TMIGD3: variants seen among roughly 807,000 people sequenced by gnomAD.
The protein encoded by TMIGD3 is AD026 protein (AD026).
TMIGD3 carries 21 observed loss-of-function variants against 28.1 expected under a neutral mutation model. That is an observed-to-expected ratio of 0.75 (90% CI 0.53 to 1.08). The LOEUF (loss-of-function observed/expected upper bound fraction) is 1.08, where lower values mean the gene tolerates loss of function less well. Among genes scored for constraint, TMIGD3 ranks in the 50% least tolerant of loss-of-function variants. TMIGD3 has a pLI of 0.00. For synonymous variants in TMIGD3, 151 were observed against 162.1 expected, an observed-to-expected ratio of 0.93 and a Z score of 0.52; for missense variants, 416 against 435.6, an observed-to-expected ratio of 0.96 and a Z score of 0.40.
At chr1:111,563,023 T>C (rs74112344) in intron 1 of TMIGD3, among the ~76,000 whole-genome samples, 4 of 152,136 alleles carry the variant, frequency 2.6e-5, no homozygotes, top group African/African-American at 9.7e-5. Flanking sequence ...TATTATAATG[T>C]CAATATTGTG....
At chr1:111,487,258 G>A (rs1208918989) in intron 3 of TMIGD3, among the ~76,000 whole-genome samples, 1 of 152,184 alleles carries the variant, frequency 6.6e-6, no homozygotes, top group Non-Finnish European at 1.5e-5. Context: ...GCACAGTTAA[G>A]TAAAAGCAGA....
chr1:111,494,917 T>C (rs372341694), intron 1 of TMIGD3, among the ~76,000 whole-genome samples: 5 of 152,324 alleles, frequency 3.3e-5, no homozygotes, highest in African/African-American at 7.2e-5. Flanking sequence ...ATTCAATAAA[T>C]GGTGCTAGGA....
chr1:111,538,357 G>A (rs1400550918), intron 1 of TMIGD3, among the ~76,000 whole-genome samples: 1 of 152,194 alleles, frequency 6.6e-6, no homozygotes, highest in Non-Finnish European at 1.5e-5. Flanking sequence ...TGTGTATACA[G>A]AAATGGCGAG....
chr1:111,545,482 A>G (rs1423653988), intron 1 of TMIGD3, among the ~76,000 whole-genome samples: 1 of 151,966 alleles, frequency 6.6e-6, no homozygotes, highest in East Asian at 1.9e-4. Context: ...TTGTCCTTTT[A>G]TTGTTGAATT....
intron 1 of TMIGD3, among the ~76,000 whole-genome samples, chr1:111,543,061 G>C (rs1268038427): frequency 1.3e-5 from 2 of 152,142 alleles, no homozygotes; most frequent in African/African-American, 4.8e-5. Context: ...GATTCTCCCA[G>C]TGGGTTATAA....
At chr1:111,507,190 G>A (rs1655538120), upstream of TMIGD3, among the ~76,000 whole-genome samples, 1 of 151,888 alleles carries the variant, frequency 6.6e-6, no homozygotes, top group Non-Finnish European at 1.5e-5. Flanking sequence ...GGGAGGCTGA[G>A]GTGAGAGGAT....
intron 1 of TMIGD3, chr1:111,501,338 A>C (rs1655163194): frequency 6.6e-6 from 1 of 152,174 alleles, no homozygotes; most frequent in African/African-American, 2.4e-5. Context: ...TTGCTCCTTA[A>C]ACTGTCCTTC....
chr1:111,517,565 A>G (rs556574098), intron 1 of TMIGD3, among the ~76,000 whole-genome samples: 2 of 152,316 alleles, frequency 1.3e-5, no homozygotes, highest in East Asian at 3.9e-4. Context: ...GAATCATACT[A>G]GGATTCAAAA....
At chr1:111,495,136 T>C (rs1654831730) in intron 1 of TMIGD3, among the ~76,000 whole-genome samples, 1 of 152,050 alleles carries the variant, frequency 6.6e-6, no homozygotes, top group Admixed American at 6.5e-5. Context: ...AAAGCAAAAA[T>C]TGACAAATGG....
intron 1 of TMIGD3, among the ~76,000 whole-genome samples, chr1:111,509,742 A>G (rs935868458): frequency 6.6e-6 from 1 of 152,226 alleles, no homozygotes; most frequent in Non-Finnish European, 1.5e-5. Context: ...CGTAATTATT[A>G]CTGTAAGAGC....
At chr1:111,517,356 C>T (rs1655904241) in intron 1 of TMIGD3, among the ~76,000 whole-genome samples, 1 of 151,562 alleles carries the variant, frequency 6.6e-6, no homozygotes, top group African/African-American at 2.4e-5. Flanking sequence ...AAAGCGAGGA[C>T]TGCTCCTGTT....
intron 5 of TMIGD3, among the ~76,000 whole-genome samples, chr1:111,484,270 T>G (rs1654254049): frequency 6.6e-6 from 1 of 152,230 alleles, no homozygotes; most frequent in African/African-American, 2.4e-5. Flanking sequence ...CAGATGGCAT[T>G]TCTTTTGCCC....
At chr1:111,492,624 G>A (rs1654718493) in intron 1 of TMIGD3, among the ~76,000 whole-genome samples, 1 of 152,018 alleles carries the variant, frequency 6.6e-6, no homozygotes, top group Non-Finnish European at 1.5e-5. Flanking sequence ...GACCAGCCTG[G>A]CCAATATGGT....
At position 111,485,749 on chromosome 1, in the gene TMIGD3, T is replaced by C; in HGVS notation, c.964A>G (p.Asn322Asp). Residue 322 changes from asparagine to aspartate, a missense_variant, in exon 5 of 6, where the codon AAT becomes GAT. Transcript: ENST00000369716. ...HLTKRRRSQR[N>D]RRVGNTLKPF... The stretch of plus-strand genomic sequence containing the variant: ...AACAATAGCTACTTACCCCTTCTAT[T>C]CCTTTGACTTCTCCTCCTTTTGGTC... 3 of 1,555,298 alleles carry C rather than the reference T, an allele frequency of 1.9e-6. No homozygotes were observed. Among genetic ancestry groups the C allele is most frequent in the Non-Finnish European group, 2.7e-6 (3 of 1,128,332 alleles).
intron 1 of TMIGD3, among the ~76,000 whole-genome samples, chr1:111,517,335 GAA>G (rs1406181324): frequency 2.9e-5 from 4 of 138,100 alleles, no homozygotes; most frequent in Non-Finnish European, 1.6e-5. Context: ...GTAGTCAATG[GAA>G]AAAAAAAAAA....
rs72975012 is a variant in TMIGD3 at position 111,518,044 on chromosome 1, C to G, written c.108-27282G>C. 8.4e-3 allele frequency among the ~76,000 whole-genome samples: 1,282 copies of G among 152,310 alleles called. 15 individuals are homozygous for G. Among genetic ancestry groups the G allele is most frequent in the African/African-American group, 0.029 (1,193 of 41,540 alleles). On this transcript the variant is annotated intron_variant, in intron 1 of 5. Transcript: ENST00000369717. ...GTAGGCTGAGGTTCAGTGACTTACT[C>G]AAGAACACATATGCAGTTCATGGTA... is the stretch of plus-strand genomic sequence containing the variant.
intron 1 of TMIGD3, among the ~76,000 whole-genome samples, chr1:111,524,318 C>G (rs1400478648): frequency 6.6e-6 from 1 of 151,922 alleles, no homozygotes; most frequent in Non-Finnish European, 1.5e-5. Flanking sequence ...CGTGAGCCAT[C>G]GCGCCCGGCC....
At chr1:111,507,673 G>C (rs1655556633), upstream of TMIGD3, among the ~76,000 whole-genome samples, 1 of 152,240 alleles carries the variant, frequency 6.6e-6, no homozygotes, top group South Asian at 2.1e-4. Flanking sequence ...GCAGGCGAAA[G>C]GTGGGGCTTC....
intron 1 of TMIGD3, among the ~76,000 whole-genome samples, chr1:111,522,682 A>AT (rs1358535929): frequency 2.0e-5 from 3 of 151,664 alleles, no homozygotes; most frequent in African/African-American, 7.3e-5. Context: ...ATGCCCAGCT[A>AT]TTTTTTTGTA....
Sources: gnomAD v4.1 joint callset for allele counts (sites outside exome capture counted in the v4.1 genomes callset) on GRCh38, gnomAD v4.1.1 for gene constraint, MANE v1.5 for transcripts, NCBI Gene and HGNC (gene_info 2026-07-23, HGNC 2026-07-21) for gene names.